The following PTPRT variants were observed in gnomAD, a reference collection of about 807,000 sequenced individuals.
PTPRT encodes the protein protein tyrosine phosphatase receptor type T, also known as receptor-type tyrosine-protein phosphatase T.
Under a neutral mutation model 176.8 loss-of-function variants are expected in PTPRT, and 56 were observed. The observed-to-expected ratio is 0.32, with a 90% confidence interval of 0.26 to 0.40. The LOEUF is 0.40. Ranked by LOEUF, PTPRT falls within the 10% of genes least tolerant of loss-of-function variation. The probability of loss-of-function intolerance (pLI) is 1.00; values close to 1 mark genes in which losing one functional copy is unlikely to be tolerated. For synonymous variants in PTPRT, 783 were observed against 739.0 expected, an observed-to-expected ratio of 1.06 and a Z score of -0.96; for missense variants, 1,540 against 1,908.2, an observed-to-expected ratio of 0.81 and a Z score of 3.60.
chr20:42,694,294 T>C (rs1317288158), intron 6 of PTPRT, among the ~76,000 whole-genome samples: 2 of 152,166 alleles, frequency 1.3e-5, no homozygotes, highest in Non-Finnish European at 2.9e-5. Flanking sequence ...TGCCTTGGCC[T>C]CCTAAAGTGC....
chr20:42,767,950 T>C (rs941341236), intron 5 of PTPRT, among the ~76,000 whole-genome samples: 1 of 144,712 alleles, frequency 6.9e-6, no homozygotes, highest in Admixed American at 7.1e-5. Flanking sequence ...ACATACTATA[T>C]ATTATATATG....
chr20:42,879,414 A>ATG lies in PTPRT; in HGVS notation c.214+6391_214+6392dup, dbSNP rs201512498. On this transcript the variant is annotated intron_variant, in intron 2 of 30. Transcript: ENST00000373187. ...CCATCTGCATGTGGCCTCCTTCCCT[A>ATG]TGTGTGTATGTATCTTTGCCTCCAC... is the stretch of plus-strand genomic sequence containing the variant. 9.7e-3 allele frequency among the ~76,000 whole-genome samples: 1,473 copies of ATG among 152,072 alleles called. 8 individuals carry two copies. Among genetic ancestry groups the ATG allele is most frequent in the Non-Finnish European group, 0.014 (940 of 67,980 alleles).
intron 9 of PTPRT, among the ~76,000 whole-genome samples, chr20:42,408,657 A>T (rs1024062859): frequency 6.6e-6 from 1 of 152,050 alleles, no homozygotes; most frequent in Non-Finnish European, 1.5e-5. Flanking sequence ...ACATGGGTGA[A>T]CAGAGAATTA....
rs559978978 is a variant in PTPRT at position 42,322,291 on chromosome 20, C to T, written c.1866-6295G>A. Among the ~76,000 whole-genome samples the T allele has an allele frequency of 1.7e-3, 252 of 150,530 alleles. 2 individuals carry two copies. The highest frequency in any genetic ancestry group is 5.9e-3 in the African/African-American group (239 of 40,372). ...GTTCATATGGAACCAAAAAAGAGCC[C>T]GCATCACCAAGTCAATCCTAAGCCA... On this transcript the variant is annotated intron_variant, in intron 11 of 30. Coordinates refer to ENST00000373187, the MANE Select transcript of PTPRT (RefSeq NM_007050.6).
chr20:42,577,629 G>A (rs556017559), intron 7 of PTPRT, among the ~76,000 whole-genome samples: 4 of 152,154 alleles, frequency 2.6e-5, no homozygotes, highest in Non-Finnish European at 2.9e-5. Context: ...CTGGGCTAAC[G>A]GTGACTGCCT....
At chr20:42,272,427 C>T (rs1301931359) in intron 13 of PTPRT, among the ~76,000 whole-genome samples, 1 of 151,830 alleles carries the variant, frequency 6.6e-6, no homozygotes, top group Non-Finnish European at 1.5e-5. Context: ...AACCCCAATG[C>T]TCTCAGATAG....
At chr20:42,154,014 A>T (rs749278455) in intron 17 of PTPRT, among the ~76,000 whole-genome samples, 2 of 152,078 alleles carry the variant, frequency 1.3e-5, no homozygotes, top group Non-Finnish European at 2.9e-5. Flanking sequence ...TCTTTTTTCA[A>T]TCTGGAGGTG....
intron 6 of PTPRT, among the ~76,000 whole-genome samples, chr20:42,713,445 T>C (rs1385785638): frequency 6.6e-6 from 1 of 151,952 alleles, no homozygotes; most frequent in Non-Finnish European, 1.5e-5. Flanking sequence ...TACCCAAAGG[T>C]TTCTCATGGG....
intron 13 of PTPRT, among the ~76,000 whole-genome samples, chr20:42,274,644 G>T (rs1007858716): frequency 6.7e-6 from 1 of 149,736 alleles, no homozygotes; most frequent in African/African-American, 2.5e-5. Flanking sequence ...CTTCCCTTCT[G>T]ACTCTTGTCC....
intron 11 of PTPRT, among the ~76,000 whole-genome samples, chr20:42,330,404 A>G (rs1344329363): frequency 6.6e-6 from 1 of 152,138 alleles, no homozygotes; most frequent in Non-Finnish European, 1.5e-5. Context: ...TGAACATGGG[A>G]GGCAGAGGTT....
At chr20:42,363,460 A>G (rs1287300768) in intron 9 of PTPRT, among the ~76,000 whole-genome samples, 1 of 149,750 alleles carries the variant, frequency 6.7e-6, no homozygotes, top group Non-Finnish European at 1.5e-5. Flanking sequence ...ACAGGCATGC[A>G]CCTCCACCCC....
chr20:43,090,850 A>T (rs538375133), intron 1 of PTPRT, among the ~76,000 whole-genome samples: 3 of 152,204 alleles, frequency 2.0e-5, no homozygotes, highest in East Asian at 1.9e-4. Context: ...AATTACCAAA[A>T]ATATATATAT....
chr20:42,968,075 G>A (rs150845305), intron 1 of PTPRT, among the ~76,000 whole-genome samples: 1 of 152,270 alleles, frequency 6.6e-6, no homozygotes, highest in East Asian at 1.9e-4. Flanking sequence ...GATTATGGAA[G>A]GCTGTCACAG....
intron 1 of PTPRT, among the ~76,000 whole-genome samples, chr20:43,087,363 CTTTT>C (rs1207811758): frequency 1.4e-4 from 7 of 50,368 alleles, no homozygotes; most frequent in African/African-American, 2.7e-4. Context: ...ACTGTCCGTC[CTTTT>C]TTTTTTTTTT....
the PTPRT span, among the ~76,000 whole-genome samples, chr20:42,060,954 C>G: frequency 2.1e-4 from 32 of 152,300 alleles, no homozygotes; most frequent in East Asian, 6.2e-3. Context: ...TGCCACTTAA[C>G]AACTATGTGA....
intron 15 of PTPRT, among the ~76,000 whole-genome samples, chr20:42,224,281 G>A (rs1350139290): frequency 6.6e-6 from 1 of 152,200 alleles, no homozygotes; most frequent in Non-Finnish European, 1.5e-5. Flanking sequence ...ATCATGAGTA[G>A]TGATTGTTGC....
intron 2 of PTPRT, among the ~76,000 whole-genome samples, chr20:42,834,842 T>C (rs2078154072): frequency 6.6e-6 from 1 of 152,146 alleles, no homozygotes; most frequent in Non-Finnish European, 1.5e-5. Context: ...AGTTACTCCA[T>C]GTCAATTAAA....
At chr20:42,329,762 A>C (rs1186973637) in intron 11 of PTPRT, among the ~76,000 whole-genome samples, 1 of 152,164 alleles carries the variant, frequency 6.6e-6, no homozygotes, top group Non-Finnish European at 1.5e-5. Flanking sequence ...CCCAAATGTC[A>C]GTATTTTAAA....
chr20:42,159,105 T>C (rs1010939917), intron 17 of PTPRT, among the ~76,000 whole-genome samples: 5 of 118,384 alleles, frequency 4.2e-5, no homozygotes, highest in African/African-American at 1.1e-4. Flanking sequence ...TACTTGTCCC[T>C]TTTTTTTTTT....
Sources: allele counts gnomAD v4.1 joint callset (sites outside exome capture counted in the v4.1 genomes callset), GRCh38; gene constraint gnomAD v4.1.1; transcripts MANE v1.5; gene names NCBI Gene and HGNC (gene_info 2026-07-23, HGNC 2026-07-21).